Variants in BANK1 observed in about 807,000 individuals in gnomAD.
BANK1 encodes B cell scaffold protein with ankyrin repeats 1, also known as B-cell scaffold protein with ankyrin repeats.
BANK1 carries 95 observed loss-of-function variants against 94.5 expected under a neutral mutation model. The ratio of observed to expected loss-of-function variants is 1.00; its 90% CI spans 0.85 to 1.19. BANK1 has a LOEUF of 1.19. Among genes scored for constraint, BANK1 ranks in the 50% most tolerant of loss-of-function variants. BANK1 has a pLI of 0.00. For missense variants in BANK1, 987 were observed against 932.2 expected (o/e 1.06, Z -0.77); for synonymous variants, 334 against 308.4 (o/e 1.08, Z -0.87).
intron 7 of BANK1, among the ~76,000 whole-genome samples, chr4:101,969,022 G>C (rs1019694039): frequency 6.6e-6 from 1 of 152,012 alleles, no homozygotes; most frequent in East Asian, 1.9e-4. Flanking sequence ...GTGAGATAAT[G>C]GCTGAGATCT....
intron 7 of BANK1, among the ~76,000 whole-genome samples, chr4:101,923,286 A>G (rs1022458135): frequency 2.0e-5 from 3 of 151,750 alleles, no homozygotes; most frequent in Non-Finnish European, 4.4e-5. Context: ...CTTCCCTGAA[A>G]AAGTGTTTCA....
At chr4:101,903,252 GA>G (rs1445530965) in intron 6 of BANK1, among the ~76,000 whole-genome samples, 2 of 152,112 alleles carry the variant, frequency 1.3e-5, no homozygotes, top group Non-Finnish European at 1.5e-5. Context: ...TTCATTTTAG[GA>G]AAATGATTAT....
chr4:101,936,230 T>C (rs1433001034), intron 7 of BANK1, among the ~76,000 whole-genome samples: 1 of 138,236 alleles, frequency 7.2e-6, no homozygotes, highest in East Asian at 2.5e-4. Context: ...TGTACACATA[T>C]ATGATATGTA....
intron 2 of BANK1, among the ~76,000 whole-genome samples, chr4:101,838,494 A>G (rs533692762): frequency 1.3e-5 from 2 of 152,216 alleles, no homozygotes; most frequent in African/African-American, 2.4e-5. Context: ...TAACATTTCA[A>G]TTCCACATGG....
chr4:101,944,711 A>G (rs570906558), intron 7 of BANK1, among the ~76,000 whole-genome samples: 2 of 152,122 alleles, frequency 1.3e-5, no homozygotes, highest in South Asian at 4.1e-4. Flanking sequence ...GAAGTGATTA[A>G]TTAGAGCCAG....
chr4:101,890,096 G>A (rs1721793194), intron 5 of BANK1, among the ~76,000 whole-genome samples: 2 of 152,062 alleles, frequency 1.3e-5, no homozygotes, highest in Non-Finnish European at 2.9e-5. Flanking sequence ...ATCTATCTTG[G>A]TATAAGTTTC....
intron 7 of BANK1, among the ~76,000 whole-genome samples, chr4:101,963,592 A>C (rs964594998): frequency 1.3e-5 from 2 of 152,058 alleles, no homozygotes; most frequent in Non-Finnish European, 2.9e-5. Context: ...GGTTGTGTGG[A>C]TCTACCACTC....
intron 13 of BANK1, 102 bp downstream of exon 13, chr4:102,063,240 C>T: frequency 9.9e-7 from 1 of 1,015,072 alleles, no homozygotes; most frequent in Admixed American, 2.3e-5. Context: ...TAAACCTCAA[C>T]AATTCCCAGC....
intron 7 of BANK1, among the ~76,000 whole-genome samples, chr4:101,955,048 G>A (rs1724291348): frequency 1.3e-5 from 2 of 152,072 alleles, no homozygotes; most frequent in East Asian, 3.9e-4. Flanking sequence ...TTAGTTCTGT[G>A]GGCATAAGCT....
At chr4:101,949,442 G>A (rs1485973106) in intron 7 of BANK1, among the ~76,000 whole-genome samples, 1 of 152,066 alleles carries the variant, frequency 6.6e-6, no homozygotes, top group Admixed American at 6.6e-5. Flanking sequence ...GTCAATCTAA[G>A]ATACTCTCTA....
At chr4:102,053,820 A>G (rs1014740174) in intron 11 of BANK1, among the ~76,000 whole-genome samples, 3 of 151,858 alleles carry the variant, frequency 2.0e-5, no homozygotes, top group African/African-American at 7.2e-5. Context: ...GGTTACAATG[A>G]CCAAATAATA....
intron 7 of BANK1, among the ~76,000 whole-genome samples, chr4:101,962,308 TC>T (rs1464720157): frequency 2.2e-4 from 33 of 152,220 alleles, no homozygotes; most frequent in Non-Finnish European, 4.1e-4. Context: ...ATTCTCTGAG[TC>T]TTTATTCTTT....
At position 101,812,608 on chromosome 4, in the gene BANK1, G is replaced by A. The variant is rs144875067; in HGVS notation, c.71-17200G>A. 4.9e-3 allele frequency among the ~76,000 whole-genome samples: 751 copies of A among 151,956 alleles called. 5 individuals carry two copies. Among genetic ancestry groups the A allele is most frequent in the African/African-American group, 0.017 (710 of 41,500 alleles). Reference sequence around the variant, plus strand: ...TCGGTTTTTGATGATACTATTCTATGCATTTTAATAGGAGAGAAGAAAATA... The same window carrying A: ...TCGGTTTTTGATGATACTATTCTATACATTTTAATAGGAGAGAAGAAAATA... On this transcript the variant is annotated intron_variant, in intron 1 of 16. Coordinates refer to ENST00000322953, the MANE Select transcript of BANK1 (RefSeq NM_017935.5).
intron 1 of BANK1, among the ~76,000 whole-genome samples, chr4:101,809,122 G>A (rs1168424399): frequency 2.0e-5 from 3 of 152,142 alleles, no homozygotes; most frequent in South Asian, 2.1e-4. Context: ...CAATGAGTGG[G>A]TAAAGAAAAC....
chr4:101,976,678 T>C (rs1229565034), intron 7 of BANK1, among the ~76,000 whole-genome samples: 1 of 152,168 alleles, frequency 6.6e-6, no homozygotes, highest in Admixed American at 6.6e-5. Context: ...TGCCATATGC[T>C]TCCTATGAAT....
At chr4:101,965,275 A>G (rs1385510986) in intron 7 of BANK1, among the ~76,000 whole-genome samples, 1 of 151,838 alleles carries the variant, frequency 6.6e-6, no homozygotes, top group Non-Finnish European at 1.5e-5. Flanking sequence ...TTTGAAGTCC[A>G]GAAGAAACTA....
At position 101,918,094 on chromosome 4, in the gene BANK1, G is replaced by A. The variant is rs748746845; in HGVS notation, c.1111G>A (p.Ala371Thr). The change falls in exon 7 of 17, where the codon GCA becomes ACA. Residue 371 changes from alanine (A) to threonine (T), a missense_variant. Coordinates refer to ENST00000322953, the MANE Select transcript of BANK1 (RefSeq NM_017935.5). Reference sequence around the variant, plus strand: ...GCTTCAATGTTCAGGAGCAACCTGGGCATCTAAGATGAAAAATATGGAGGG... The same window carrying A: ...GCTTCAATGTTCAGGAGCAACCTGGACATCTAAGATGAAAAATATGGAGGG... Reference protein sequence around the residue: ...HLLQCSGATWASKMKNMEGSD... With the variant: ...HLLQCSGATWTSKMKNMEGSD... 3 of 1,612,118 alleles carry A rather than the reference G, an allele frequency of 1.9e-6. No individual in the cohort carries two copies. The highest frequency in any genetic ancestry group is 1.7e-6 in the Non-Finnish European group (2 of 1,178,788).
At chr4:101,881,882 A>C (rs533363405) in intron 5 of BANK1, among the ~76,000 whole-genome samples, 2 of 145,898 alleles carry the variant, frequency 1.4e-5, no homozygotes, top group African/African-American at 4.9e-5. Context: ...AATTGAACTC[A>C]TGGAGCTAGA....
intron 2 of BANK1, among the ~76,000 whole-genome samples, chr4:101,849,563 A>G (rs531253529): frequency 6.6e-6 from 1 of 152,116 alleles, no homozygotes; most frequent in South Asian, 2.1e-4. Context: ...GTATACACAC[A>G]CTCATATTCT....
Sources: allele counts gnomAD v4.1 joint callset (sites outside exome capture counted in the v4.1 genomes callset), GRCh38; gene constraint gnomAD v4.1.1; transcripts MANE v1.5; gene names NCBI Gene and HGNC (gene_info 2026-07-23, HGNC 2026-07-21).